The following ZAN variants were observed in gnomAD, a reference collection of about 807,000 sequenced individuals.
ZAN encodes the protein zonadhesin (gene/pseudogene).
ZAN carries 260 observed loss-of-function variants against 286.2 expected under a neutral mutation model. That is an observed-to-expected ratio of 0.91 (90% CI 0.82 to 1.01). ZAN has a LOEUF of 1.01. Ranked by LOEUF, ZAN falls within the 50% of genes least tolerant of loss-of-function variation. ZAN has a pLI of 0.00. For synonymous variants in ZAN, 1,368 were observed against 1,417.5 expected, an observed-to-expected ratio of 0.97 and a Z score of 0.79; for missense variants, 3,410 against 3,639.2, an observed-to-expected ratio of 0.94 and a Z score of 1.62.
Position 100,789,243 on chromosome 7 carries a change from C to T in ZAN, c.7253C>T (p.Pro2418Leu). ...GTCAACAACCAGAAGATGGCCGTCC[C>T]CTACAGGCCAAATGAACACCTGCGG... Reference protein sequence around the residue: ...LVVNNQKMAVPYRPNEHLRVT... With the variant: ...LVVNNQKMAVLYRPNEHLRVT... The change falls in exon 39 of 48, where the codon CCC becomes CTC. Residue 2418 changes from proline (P) to leucine (L), a missense_variant. Pro to Leu is a moderately conservative substitution (Grantham distance 98). This residue lies in a region of ZAN where 1,289 missense variants were observed against 1,314.3 expected (regional missense o/e 0.98). Coordinates refer to ENST00000613979, the MANE Select transcript of ZAN (RefSeq NM_003386.3). 1 of 1,613,812 alleles carries T rather than the reference C, an allele frequency of 6.2e-7. No individual in the cohort carries two copies. The highest frequency in any genetic ancestry group is 8.5e-7 in the Non-Finnish European group (1 of 1,179,830).
chr7:100,767,347 C>G (rs1316691605), intron 25 of ZAN, 90 bp downstream of exon 25: 7 of 1,529,192 alleles, frequency 4.6e-6, no homozygotes, highest in Middle Eastern at 3.6e-4. Context: ...GCCCACCTCT[C>G]TGGCTCCTTA....
chr7:100,795,425 T>TC, intron 45 of ZAN, 89 bp downstream of exon 45: 7 of 1,259,410 alleles, frequency 5.6e-6, no homozygotes, highest in Non-Finnish European at 5.1e-6. Context: ...TATTCACATA[T>TC]AGAATGATAT....
intron 11 of ZAN, among the ~76,000 whole-genome samples, chr7:100,748,906 T>C (rs1007458783): frequency 6.6e-6 from 1 of 151,894 alleles, no homozygotes; most frequent in African/African-American, 2.4e-5. Flanking sequence ...TGTGGTGGTG[T>C]GTGCTTGTGG....
Position 100,751,298 on chromosome 7 carries a change from G to A in ZAN, c.1606+32G>A, listed in dbSNP as rs1282390822. ...CCAAAGCCCAGGCTCCAGGAAGGGG[G>A]CGGTGCCCTGAGGTTCCCTGGAGTT... is the stretch of plus-strand genomic sequence containing the variant. On this transcript the variant is annotated intron_variant, in intron 13 of 47. Transcript: ENST00000613979. 8.0e-6 allele frequency: 12 copies of A among 1,500,830 alleles called. No individual in the cohort carries two copies. In the Admixed American group the frequency reaches 1.8e-4, roughly 22 times the overall value. 93.0% of individuals were successfully genotyped at this position (1,500,830 alleles called of 1,614,324 possible).
At chr7:100,745,086 G>T (rs887976497) in intron 7 of ZAN, among the ~76,000 whole-genome samples, 8 of 151,670 alleles carry the variant, frequency 5.3e-5, no homozygotes, top group Non-Finnish European at 7.4e-5. Flanking sequence ...ATTTCGCCAT[G>T]TTGGCCAAGC....
chr7:100,763,133 T>G lies in ZAN; in HGVS notation c.3987-673T>G, dbSNP rs550242510. On this transcript the variant is annotated intron_variant, in intron 20 of 47. Coordinates refer to ENST00000613979, the MANE Select transcript of ZAN (RefSeq NM_003386.3). The surrounding 1 kb of genome is among the most constrained non-coding windows in gnomAD (Gnocchi z 4.6). ...GCACATGCCACCACACCTGTCTGAT[T>G]TTTGTATTTTTAGTAGAGACGGGGT... 3.3e-5 allele frequency among the ~76,000 whole-genome samples: 5 copies of G among 151,656 alleles called. No homozygotes were observed. The highest frequency in any genetic ancestry group is 5.9e-5 in the Non-Finnish European group (4 of 67,922).
chr7:100,780,861 G>C (rs1051089650), intron 35 of ZAN, among the ~76,000 whole-genome samples: 10 of 151,930 alleles, frequency 6.6e-5, no homozygotes, highest in South Asian at 2.1e-4. Flanking sequence ...AGTCCAAGAA[G>C]GGAGGATTGC....
chr7:100,773,669 C>G, intron 30 of ZAN, 52 bp from the exon 31 acceptor site: 4 of 1,580,558 alleles, frequency 2.5e-6, no homozygotes, highest in Non-Finnish European at 2.6e-6. Context: ...GGCGTTGGCC[C>G]ATCTCCCAAT....
In ZAN at chr7:100,764,063, C is replaced by T. The variant is rs377380617; in HGVS notation, c.4134C>T (p.Phe1378=). Residue 1378 remains phenylalanine (F), a synonymous_variant, in exon 22 of 48, where the codon TTC becomes TTT. Transcript: ENST00000613979. ...TGCACGTGAAGGCCGCTTCCTTCTTCGACAGCTGCATGCTTGATATGTGCG... is the reference window on the plus strand; with the variant it reads ...TGCACGTGAAGGCCGCTTCCTTCTTTGACAGCTGCATGCTTGATATGTGCG... ...CLLHVKAASF[F]DSCMLDMCGF... is the part of the protein sequence containing the mutation. The T allele has an allele frequency of 6.2e-6, 10 of 1,613,754 alleles. No homozygotes were observed. The highest frequency in any genetic ancestry group is 4.5e-5 in the East Asian group (2 of 44,892).
In ZAN at chr7:100,751,784, C is replaced by T; in HGVS notation, c.1679C>T (p.Thr560Ile). Residue 560 changes from threonine (T) to isoleucine (I), a missense_variant, in exon 14 of 48, where the codon ACA (threonine) becomes ATA (isoleucine). Thr to Ile is a moderately conservative substitution (Grantham distance 89). Around this residue, in one of 7 missense-constraint regions of ZAN, gnomAD observed 872 missense variants for 938.9 expected, o/e 0.93. Coordinates refer to ENST00000613979, the MANE Select transcript of ZAN (RefSeq NM_003386.3). The stretch of plus-strand genomic sequence containing the variant: ...GGCCCTTCTGAAACCACTGGCCTCA[C>T]AGAAAACCCTACAATCTCCACCAAG... ...STGPSETTGL[T>I]ENPTISTKKP... 6.2e-7 allele frequency: 1 copy of T among 1,612,022 alleles called. No homozygotes were observed. The highest frequency in any genetic ancestry group is 8.5e-7 in the Non-Finnish European group (1 of 1,179,472).
chr7:100,777,149 T>TA lies in ZAN; in HGVS notation c.6317+586dup, dbSNP rs918749285. On this transcript the variant is annotated intron_variant, in intron 34 of 47. Coordinates refer to ENST00000613979, the MANE Select transcript of ZAN (RefSeq NM_003386.3). ...ACCTCCGCCTCCCGGGCTCAAGTGA[T>TA]ACTCCTGCCTCAGCCTCCCAAGTAG... 7.3e-5 allele frequency among the ~76,000 whole-genome samples: 11 copies of TA among 151,032 alleles called. No homozygotes were observed. The South Asian group carries it at 1.7e-3, about 23-fold the overall frequency.
intron 14 of ZAN, among the ~76,000 whole-genome samples, chr7:100,753,465 G>T (rs1042583673): frequency 1.3e-5 from 2 of 152,246 alleles, no homozygotes; most frequent in African/African-American, 2.4e-5. Context: ...GAACCACGAG[G>T]CTTCCTTCTC....
At position 100,795,113 on chromosome 7, in the gene ZAN, C is replaced by T. The variant is rs948880975; in HGVS notation, c.8126-83C>T. ...TGGCAGCCGCTGCTTTCTCCCCGGG[C>T]GTCCCAGCCCCCAGCCAGGCCTTCC... On this transcript the variant is annotated intron_variant, in intron 44 of 47. Transcript: ENST00000613979. The T allele has an allele frequency of 4.2e-5, 62 of 1,482,832 alleles. No individual in the cohort carries two copies. In the African/African-American group the frequency reaches 7.4e-4, roughly 18 times the overall value. 91.9% of individuals were successfully genotyped at this position (1,482,832 alleles called of 1,614,324 possible).
Position 100,752,302 on chromosome 7 carries a change from A to G in ZAN, c.2197A>G (p.Ile733Val), listed in dbSNP as rs372470304. 4.6e-6 allele frequency: 7 copies of G among 1,533,236 alleles called. No individual in the cohort carries two copies. The highest frequency in any genetic ancestry group is 5.3e-6 in the Non-Finnish European group (6 of 1,134,524). The allele number at this position is 1,533,236 out of a possible 1,614,324, so 95.0% of individuals were successfully genotyped here. ...KPTIPTEKSTISPEKPTTPTE... is the reference protein window; with the variant it reads ...KPTIPTEKSTVSPEKPTTPTE... The stretch of plus-strand genomic sequence containing the variant: ...CACCATCCCCACAGAAAAATCCACC[A>G]TCTCCCCAGAAAAACCCACCACCCC... The change falls in exon 14 of 48, where the codon ATC becomes GTC. Residue 733 changes from isoleucine (I) to valine (V), a missense_variant. Around this residue, in one of 7 missense-constraint regions of ZAN, gnomAD observed 39 missense variants for 76.9 expected, o/e 0.51. Transcript: ENST00000613979.
intron 29 of ZAN, 33 bp from the exon 30 acceptor site, chr7:100,773,252 C>A: frequency 6.2e-7 from 1 of 1,605,800 alleles, no homozygotes. Flanking sequence ...GGACATGCCA[C>A]CCCACTCTTC....
intron 15 of ZAN, among the ~76,000 whole-genome samples, chr7:100,757,931 A>T (rs1028371759): frequency 1.3e-5 from 2 of 149,896 alleles, no homozygotes; most frequent in African/African-American, 4.9e-5. Flanking sequence ...AAAAAAAAAA[A>T]AAAAAAAAGT....
In ZAN at chr7:100,767,859, T is replaced by A. The variant is rs1275031385; in HGVS notation, c.4889T>A (p.Val1630Glu). 2 of 1,613,864 alleles carry A rather than the reference T, an allele frequency of 1.2e-6. No homozygotes were observed. Among genetic ancestry groups the A allele is most frequent in the Admixed American group, 3.3e-5 (2 of 59,964 alleles). ...AATGGCCATCGGGTGGCCCTACCTGTGTGGCTTGCACAAGGCCGGGTGACC... is the reference window on the plus strand; with the variant it reads ...AATGGCCATCGGGTGGCCCTACCTGAGTGGCTTGCACAAGGCCGGGTGACC... ...MLNGHRVALP[V>E]WLAQGRVTIR... Residue 1630 changes from valine (V) to glutamate (E), a missense_variant, in exon 26 of 48, where the codon GTG (valine) becomes GAG (glutamate). Physicochemically the swap from Val to Glu is moderately radical, Grantham distance 121. Around this residue, in one of 7 missense-constraint regions of ZAN, gnomAD observed 1,042 missense variants for 1,058.0 expected, o/e 0.98. Coordinates refer to ENST00000613979, the MANE Select transcript of ZAN (RefSeq NM_003386.3).
At chr7:100,753,343 T>C (rs913480468) in intron 14 of ZAN, 114 bp downstream of exon 14, 2 of 1,223,700 alleles carry the variant, frequency 1.6e-6, no homozygotes, top group Non-Finnish European at 2.2e-6. Flanking sequence ...TAGATGCTTC[T>C]AGTACTCTCA....
intron 19 of ZAN, 131 bp from the exon 20 acceptor site, chr7:100,762,084 C>T (rs1033715033): frequency 9.6e-6 from 11 of 1,145,692 alleles, no homozygotes; most frequent in Admixed American, 6.2e-5. Flanking sequence ...TCCTCTTGTC[C>T]AGTCCGCACC....
Sources: gnomAD v4.1 joint callset for allele counts (sites outside exome capture counted in the v4.1 genomes callset) on GRCh38, gnomAD v4.1.1 for gene constraint, gnomAD v4.1.1 regional missense constraint, Gnocchi (gnomAD v3.1) non-coding constraint, MANE v1.5 for transcripts, NCBI Gene and HGNC (gene_info 2026-07-23, HGNC 2026-07-21) for gene names.